The following EEIG2 variants were observed in gnomAD, a reference collection of about 807,000 sequenced individuals.
EEIG2 encodes family with sequence similarity 102 member B.
At chr1:108,616,428 C>T in the EEIG2 span, 20 of 1,579,776 alleles carry the variant, frequency 1.3e-5, no homozygotes, top group East Asian at 1.6e-4. Flanking sequence ...TGTTTTAAAA[C>T]GTAAGTTGAT....
the EEIG2 span, among the ~76,000 whole-genome samples, chr1:108,563,614 A>G: frequency 3.9e-5 from 6 of 152,246 alleles, no homozygotes; most frequent in African/African-American, 1.4e-4. Flanking sequence ...TATGTATTTG[A>G]TATATATATT....
At chr1:108,591,158 T>C in the EEIG2 span, among the ~76,000 whole-genome samples, 1 of 152,252 alleles carries the variant, frequency 6.6e-6, no homozygotes, top group African/African-American at 2.4e-5. Flanking sequence ...CATTTACTAA[T>C]GTGACTTTTG....
At chr1:108,569,207 T>C in the EEIG2 span, among the ~76,000 whole-genome samples, 1 of 152,196 alleles carries the variant, frequency 6.6e-6, no homozygotes. Context: ...AGTTCTAACA[T>C]TTAGGAGAGT....
chr1:108,615,141 T>C, the EEIG2 span, among the ~76,000 whole-genome samples: 2 of 152,230 alleles, frequency 1.3e-5, no homozygotes, highest in Non-Finnish European at 2.9e-5. Context: ...TTGTATTCAT[T>C]AAGACTATGA....
the EEIG2 span, among the ~76,000 whole-genome samples, chr1:108,607,685 G>A: frequency 6.6e-6 from 1 of 152,208 alleles, no homozygotes; most frequent in South Asian, 2.1e-4. Context: ...AATAAATCAA[G>A]GCTTTGCTAT....
chr1:108,560,238 C>A, the EEIG2 span: 1 of 176,812 alleles, frequency 5.7e-6, no homozygotes, highest in Non-Finnish European at 1.1e-5. Flanking sequence ...GCTGCCGCCG[C>A]GTTCCGGCCC....
chr1:108,596,537 A>G, the EEIG2 span, among the ~76,000 whole-genome samples: 3 of 152,028 alleles, frequency 2.0e-5, no homozygotes, highest in Non-Finnish European at 4.4e-5. Context: ...GACCACAGAG[A>G]AGGGTAGAGT....
chr1:108,603,814 C>T, the EEIG2 span, among the ~76,000 whole-genome samples: 2 of 152,106 alleles, frequency 1.3e-5, no homozygotes, highest in African/African-American at 2.4e-5. Flanking sequence ...CTGAAAAGTA[C>T]ATTAACTAAA....
chr1:108,629,478 G>T, the EEIG2 span: 3 of 773,788 alleles, frequency 3.9e-6, no homozygotes, highest in African/African-American at 5.4e-5. Flanking sequence ...TTTTTAAGTT[G>T]TTTATTTCTC....
At chr1:108,595,771 G>A in the EEIG2 span, among the ~76,000 whole-genome samples, 2 of 151,726 alleles carry the variant, frequency 1.3e-5, no homozygotes, top group Non-Finnish European at 2.9e-5. Flanking sequence ...AGAGAGGAAG[G>A]GAGGGAAATG....
the EEIG2 span, chr1:108,628,625 A>C: frequency 6.4e-7 from 1 of 1,570,058 alleles, no homozygotes; most frequent in South Asian, 1.2e-5. Context: ...ATTTTTAAAA[A>C]ACTTTGTTTT....
At chr1:108,570,935 G>A in the EEIG2 span, among the ~76,000 whole-genome samples, 1 of 152,174 alleles carries the variant, frequency 6.6e-6, no homozygotes, top group Non-Finnish European at 1.5e-5. Context: ...GGGAGGGGCT[G>A]TACTCAGAGT....
the EEIG2 span, among the ~76,000 whole-genome samples, chr1:108,597,486 G>A: frequency 2.0e-5 from 3 of 152,334 alleles, no homozygotes; most frequent in Non-Finnish European, 4.4e-5. Flanking sequence ...ATCTGCAGGA[G>A]TCAGGGAAGG....
chr1:108,604,738 A>G, the EEIG2 span, among the ~76,000 whole-genome samples: 7 of 151,980 alleles, frequency 4.6e-5, no homozygotes, highest in African/African-American at 1.5e-4. Context: ...CTGAAGAGCT[A>G]TTATAAAGGG....
At chr1:108,628,130 G>T in the EEIG2 span, 1 of 1,565,134 alleles carries the variant, frequency 6.4e-7, no homozygotes, top group Non-Finnish European at 8.8e-7. Flanking sequence ...TTAACTTTTT[G>T]GCAATAAGAA....
At chr1:108,573,572 G>T in the EEIG2 span, among the ~76,000 whole-genome samples, 36 of 152,148 alleles carry the variant, frequency 2.4e-4, no homozygotes, top group Non-Finnish European at 4.6e-4. Context: ...AATGTATTAG[G>T]CCAAGAGTGG....
the EEIG2 span, among the ~76,000 whole-genome samples, chr1:108,605,146 T>C: frequency 1.3e-5 from 2 of 152,054 alleles, no homozygotes; most frequent in Non-Finnish European, 1.5e-5. Flanking sequence ...ATATAGCAAA[T>C]ATAGATAAAT....
At chr1:108,627,891 A>G in the EEIG2 span, 2 of 380,220 alleles carry the variant, frequency 5.3e-6, no homozygotes, top group Non-Finnish European at 4.8e-6. Flanking sequence ...TTTGAACAAC[A>G]GGAGTTTATT....
the EEIG2 span, among the ~76,000 whole-genome samples, chr1:108,594,901 C>T: frequency 6.6e-6 from 1 of 152,000 alleles, no homozygotes; most frequent in African/African-American, 2.4e-5. Flanking sequence ...TCCCCAAGCC[C>T]ATCAAACTTA....
Sources: gnomAD v4.1 joint callset for allele counts (sites outside exome capture counted in the v4.1 genomes callset) on GRCh38, gnomAD v4.1.1 for gene constraint, MANE v1.5 for transcripts, NCBI Gene and HGNC (gene_info 2026-07-23, HGNC 2026-07-21) for gene names.